Variants in KHDRBS2 observed in about 807,000 individuals in gnomAD.
KHDRBS2 encodes KH domain-containing, RNA-binding, signal transduction-associated protein 2.
A neutral mutation model predicts 44.3 loss-of-function variants in KHDRBS2; 26 were observed. The ratio of observed to expected loss-of-function variants is 0.59; its 90% CI spans 0.43 to 0.81. The LOEUF (loss-of-function observed/expected upper bound fraction) is 0.81. Among genes scored for constraint, KHDRBS2 ranks in the 40% least tolerant of loss-of-function variants. The pLI, the probability that KHDRBS2 is intolerant of heterozygous loss-of-function variation, is 0.00. For missense variants in KHDRBS2, 476 were observed against 433.1 expected (o/e 1.10, Z -0.88); for synonymous variants, 194 against 151.1 (o/e 1.28, Z -2.08).
chr6:61,681,539 G>T (rs1766302103), intron 8 of KHDRBS2, among the ~76,000 whole-genome samples: 1 of 151,816 alleles, frequency 6.6e-6, no homozygotes, highest in Admixed American at 6.6e-5. Flanking sequence ...ATAGTTATAT[G>T]GTCCAGGGTT....
intron 8 of KHDRBS2, 35 bp from the exon 9 acceptor site, chr6:61,681,095 A>G (rs1464696359): frequency 3.5e-6 from 5 of 1,410,472 alleles, no homozygotes; most frequent in Non-Finnish European, 5.0e-6. Context: ...CACACACATG[A>G]CTTCACAGTT....
chr6:62,252,474 T>C (rs1040648925), intron 1 of KHDRBS2, among the ~76,000 whole-genome samples: 3 of 151,980 alleles, frequency 2.0e-5, no homozygotes, highest in African/African-American at 7.2e-5. Flanking sequence ...AATCTTATTA[T>C]AGATATTGGA....
chr6:62,222,984 A>G (rs1306655170), intron 1 of KHDRBS2, among the ~76,000 whole-genome samples: 1 of 152,070 alleles, frequency 6.6e-6, no homozygotes, highest in Non-Finnish European at 1.5e-5. Context: ...TGGATCTACC[A>G]TTCTGGGGTC....
intron 6 of KHDRBS2, among the ~76,000 whole-genome samples, chr6:61,775,208 A>C (rs1001107301): frequency 6.6e-6 from 1 of 152,132 alleles, no homozygotes; most frequent in Non-Finnish European, 1.5e-5. Flanking sequence ...AAAAACTGGA[A>C]GCATTCCCTT....
At chr6:62,197,298 C>T (rs1463965484) in intron 1 of KHDRBS2, among the ~76,000 whole-genome samples, 2 of 152,040 alleles carry the variant, frequency 1.3e-5, no homozygotes, top group East Asian at 1.9e-4. Flanking sequence ...TTAAAACTTG[C>T]AAACCCAATT....
At chr6:62,124,435 T>A (rs758213333) in intron 2 of KHDRBS2, among the ~76,000 whole-genome samples, 2 of 152,186 alleles carry the variant, frequency 1.3e-5, no homozygotes, top group Non-Finnish European at 2.9e-5. Flanking sequence ...TGCTGTGGAC[T>A]CACAAAAACA....
At chr6:61,702,642 T>C (rs1368114428) in intron 7 of KHDRBS2, among the ~76,000 whole-genome samples, 3 of 151,982 alleles carry the variant, frequency 2.0e-5, no homozygotes, top group Admixed American at 2.0e-4. Context: ...TTAAAGGAAA[T>C]TTGTTTATAG....
intron 2 of KHDRBS2, among the ~76,000 whole-genome samples, chr6:62,065,031 A>G (rs963415617): frequency 3.9e-5 from 6 of 152,226 alleles, no homozygotes; most frequent in African/African-American, 1.4e-4. Context: ...CACATGAAAA[A>G]ATGCTCGTCA....
At chr6:61,674,273 T>C in the KHDRBS2 span, among the ~76,000 whole-genome samples, 2 of 151,780 alleles carry the variant, frequency 1.3e-5, no homozygotes, top group Admixed American at 1.3e-4. Flanking sequence ...ATTTTTTACA[T>C]CAATATTCTT....
At chr6:62,229,454 C>T (rs1832523359) in intron 1 of KHDRBS2, among the ~76,000 whole-genome samples, 1 of 152,144 alleles carries the variant, frequency 6.6e-6, no homozygotes, top group Non-Finnish European at 1.5e-5. Flanking sequence ...GCTATCAGTC[C>T]CAGTGTTGGA....
chr6:61,663,314 T>A, the KHDRBS2 span, among the ~76,000 whole-genome samples: 1 of 144,690 alleles, frequency 6.9e-6, no homozygotes, highest in Non-Finnish European at 1.5e-5. Context: ...GATGAGTTAA[T>A]GGATGCAGCA....
chr6:61,866,294 A>G (rs551824030), intron 6 of KHDRBS2, among the ~76,000 whole-genome samples: 3 of 152,328 alleles, frequency 2.0e-5, no homozygotes, highest in South Asian at 4.1e-4. Flanking sequence ...CCAATTCTTG[A>G]CAAATGTGCA....
intron 6 of KHDRBS2, among the ~76,000 whole-genome samples, chr6:61,893,958 C>G (rs1277313237): frequency 6.6e-6 from 1 of 151,684 alleles, no homozygotes; most frequent in Non-Finnish European, 1.5e-5. Context: ...TAAATTTTCC[C>G]TTTTTACATA....
chr6:62,239,155 T>C (rs1352098910), intron 1 of KHDRBS2, among the ~76,000 whole-genome samples: 1 of 152,232 alleles, frequency 6.6e-6, no homozygotes, highest in East Asian at 1.9e-4. Context: ...ATAGTGATAT[T>C]GTTGTATATG....
intron 6 of KHDRBS2, among the ~76,000 whole-genome samples, chr6:61,856,010 T>C (rs967820565): frequency 1.1e-4 from 17 of 152,126 alleles, no homozygotes; most frequent in Non-Finnish European, 1.8e-4. Context: ...GGACAGATAT[T>C]ACCATTATTA....
the KHDRBS2 span, among the ~76,000 whole-genome samples, chr6:61,546,789 G>T: frequency 6.6e-6 from 1 of 152,130 alleles, no homozygotes; most frequent in East Asian, 1.9e-4. Flanking sequence ...CACAAATAGG[G>T]TAGTGTCACT....
At chr6:62,259,128 A>C (rs1837917836) in intron 1 of KHDRBS2, among the ~76,000 whole-genome samples, 1 of 152,066 alleles carries the variant, frequency 6.6e-6, no homozygotes, top group African/African-American at 2.4e-5. Context: ...CAGAATAGCA[A>C]GAGTTTGTTT....
In KHDRBS2 at chr6:61,865,163, T is replaced by C. The variant is rs149879496; in HGVS notation, c.810+29472A>G. Among the ~76,000 whole-genome samples, 58 of 152,266 alleles carry C rather than the reference T, an allele frequency of 3.8e-4. No individual in the cohort carries two copies. The East Asian group carries it at 3.9e-3, about 10-fold the overall frequency. ...TTATACTCACTGTTTTGGCTATCAGTACCTGCATTGTTTTATCATGATTCT... is the reference window on the plus strand; with the variant it reads ...TTATACTCACTGTTTTGGCTATCAGCACCTGCATTGTTTTATCATGATTCT... On this transcript the variant is annotated intron_variant, in intron 6 of 8. Coordinates refer to ENST00000281156, the MANE Select transcript of KHDRBS2 (RefSeq NM_152688.4).
At chr6:61,870,610 C>T (rs1424664664) in intron 6 of KHDRBS2, among the ~76,000 whole-genome samples, 2 of 152,080 alleles carry the variant, frequency 1.3e-5, no homozygotes, top group Admixed American at 6.5e-5. Context: ...CTGATAGACA[C>T]CTCGTACAGG....
Sources: allele counts gnomAD v4.1 joint callset (sites outside exome capture counted in the v4.1 genomes callset), GRCh38; gene constraint gnomAD v4.1.1; transcripts MANE v1.5; gene names NCBI Gene and HGNC (gene_info 2026-07-23, HGNC 2026-07-21).